Variants in MARCHF5 observed in about 807,000 individuals in gnomAD.
The protein encoded by MARCHF5 is E3 ubiquitin-protein ligase MARCHF5.
In MARCHF5, 5 loss-of-function variants were observed where a neutral mutation model predicts 36.5. The observed-to-expected ratio is 0.14, with a 90% CI of 0.07 to 0.29. MARCHF5 has a LOEUF of 0.29. Ranked by LOEUF, MARCHF5 falls within the 10% of genes least tolerant of loss-of-function variation. The pLI is 1.00. For synonymous variants in MARCHF5, 103 were observed against 109.9 expected, an observed-to-expected ratio of 0.94 and a Z score of 0.39; for missense variants, 179 against 336.3, an observed-to-expected ratio of 0.53 and a Z score of 3.66.
intron 2 of MARCHF5, among the ~76,000 whole-genome samples, chr10:92,324,394 C>T (rs879617429): frequency 4.5e-4 from 69 of 152,288 alleles, no homozygotes; most frequent in Non-Finnish European, 9.3e-4. Flanking sequence ...CGGAGTCTCA[C>T]TCTGTTGCCC....
chr10:92,314,170 C>T (rs1295606979), intron 2 of MARCHF5, among the ~76,000 whole-genome samples: 1 of 151,820 alleles, frequency 6.6e-6, no homozygotes, highest in Non-Finnish European at 1.5e-5. Context: ...TATGATTGCG[C>T]CACTACCCTC....
intron 2 of MARCHF5, among the ~76,000 whole-genome samples, 189 bp downstream of exon 2, chr10:92,311,526 C>T (rs962527897): frequency 6.6e-6 from 1 of 151,518 alleles, no homozygotes; most frequent in Non-Finnish European, 1.5e-5. Flanking sequence ...TTAATATATC[C>T]CCAAATTTAT....
intron 2 of MARCHF5, among the ~76,000 whole-genome samples, chr10:92,328,922 G>A (rs540714792): frequency 6.7e-6 from 1 of 150,232 alleles, no homozygotes; most frequent in Non-Finnish European, 1.5e-5. Flanking sequence ...TTTATGATAA[G>A]ACCGATCAGT....
At chr10:92,323,924 A>G (rs978545789) in intron 2 of MARCHF5, among the ~76,000 whole-genome samples, 1 of 152,218 alleles carries the variant, frequency 6.6e-6, no homozygotes, top group Non-Finnish European at 1.5e-5. Context: ...ACCAAGGAGC[A>G]TGATTGCTGG....
At position 92,326,581 on chromosome 10, in the gene MARCHF5, G is replaced by A. The variant is rs546972863; in HGVS notation, c.239-14092G>A. Among the ~76,000 whole-genome samples, 4 of 152,292 alleles carry A rather than the reference G, an allele frequency of 2.6e-5. No individual in the cohort carries two copies. The South Asian group carries it at 6.2e-4, about 24-fold the overall frequency. On this transcript the variant is annotated intron_variant, in intron 2 of 5. Coordinates refer to ENST00000358935, the MANE Select transcript of MARCHF5 (RefSeq NM_017824.5). ...ACTGTTAATAAATTACACAAATGAT[G>A]TGTAAGTAACAAAAATTTTATGAGT...
rs1218185621 is a variant in MARCHF5 at position 92,319,059 on chromosome 10, A to G, written c.238+7722A>G. 3.3e-5 allele frequency among the ~76,000 whole-genome samples: 5 copies of G among 152,290 alleles called. No individual in the cohort carries two copies. In the East Asian group the frequency reaches 7.7e-4, roughly 24 times the overall value. On this transcript the variant is annotated intron_variant, in intron 2 of 5. Transcript: ENST00000358935. The stretch of plus-strand genomic sequence containing the variant: ...TACACTGTACTTAATGTTTAGGTCA[A>G]TAACAACCACAGTGGTGGTCCCCTA...
intron 1 of MARCHF5, among the ~76,000 whole-genome samples, chr10:92,309,365 T>G (rs1564944810): frequency 6.6e-6 from 1 of 152,194 alleles, no homozygotes; most frequent in Non-Finnish European, 1.5e-5. Flanking sequence ...TAATGTAGAC[T>G]ATTTCAGTTG....
At chr10:92,307,944 C>CTT (rs767555499) in intron 1 of MARCHF5, among the ~76,000 whole-genome samples, 12 of 142,094 alleles carry the variant, frequency 8.4e-5, no homozygotes, top group Admixed American at 2.8e-4. Context: ...TGCTTCCCCC[C>CTT]TTTTTTTTTT....
At chr10:92,338,414 T>C (rs767927515) in intron 2 of MARCHF5, among the ~76,000 whole-genome samples, 33 of 152,306 alleles carry the variant, frequency 2.2e-4, no homozygotes, top group Non-Finnish European at 4.0e-4. Context: ...AATAATGCCT[T>C]TGGCACAGCA....
chr10:92,303,871 T>C (rs557682756), intron 1 of MARCHF5, among the ~76,000 whole-genome samples: 9 of 152,330 alleles, frequency 5.9e-5, no homozygotes, highest in Non-Finnish European at 8.8e-5. Flanking sequence ...TCTCTTCTGT[T>C]GTCTTCATAT....
At chr10:92,346,753 G>A (rs1346343642) in intron 3 of MARCHF5, among the ~76,000 whole-genome samples, 1 of 151,930 alleles carries the variant, frequency 6.6e-6, no homozygotes, top group African/African-American at 2.4e-5. Context: ...AAAGTGCTAG[G>A]ATTACAATTG....
At chr10:92,317,778 T>G (rs565220550) in intron 2 of MARCHF5, among the ~76,000 whole-genome samples, 35 of 151,124 alleles carry the variant, frequency 2.3e-4, no homozygotes, top group African/African-American at 7.1e-4. Flanking sequence ...TGAGGCACAG[T>G]CTCGCTCTGT....
At chr10:92,326,691 C>G (rs534913150) in intron 2 of MARCHF5, among the ~76,000 whole-genome samples, 2 of 151,942 alleles carry the variant, frequency 1.3e-5, no homozygotes, top group South Asian at 4.2e-4. Context: ...TGCCTGTTCT[C>G]TTTTCTTTCT....
intron 2 of MARCHF5, among the ~76,000 whole-genome samples, chr10:92,337,828 A>C (rs1296606860): frequency 6.6e-6 from 1 of 151,958 alleles, no homozygotes; most frequent in African/African-American, 2.4e-5. Context: ...TGATGAGTAC[A>C]TGTGCTGGAG....
At position 92,351,313 on chromosome 10, in the gene MARCHF5, C is replaced by G; in HGVS notation, c.*106C>G. 1 of 670,024 alleles carries G rather than the reference C, an allele frequency of 1.5e-6. No homozygotes were observed. The highest frequency in any genetic ancestry group is 2.8e-5 in the East Asian group (1 of 36,152). 41.5% of individuals were successfully genotyped at this position (670,024 alleles called of 1,614,324 possible). ...TGGAGACTTGTGATAAGCTGCTGCTCCTATATTTTTTAAGAAATATAATAA... is the reference window on the plus strand; with the variant it reads ...TGGAGACTTGTGATAAGCTGCTGCTGCTATATTTTTTAAGAAATATAATAA... On this transcript the variant is annotated 3_prime_UTR_variant, in exon 6 of 6. Coordinates refer to ENST00000358935, the MANE Select transcript of MARCHF5 (RefSeq NM_017824.5).
At chr10:92,328,822 T>TATATATATATA (rs1491512830) in intron 2 of MARCHF5, among the ~76,000 whole-genome samples, 1 of 52,768 alleles carries the variant, frequency 1.9e-5, no homozygotes, top group African/African-American at 5.9e-5. Flanking sequence ...TATATATATA[T>TATATATATATA]TTTTTTTTTT....
At chr10:92,319,723 C>T (rs1305628307) in intron 2 of MARCHF5, among the ~76,000 whole-genome samples, 3 of 150,590 alleles carry the variant, frequency 2.0e-5, no homozygotes, top group Non-Finnish European at 4.4e-5. Context: ...GGCGCAATCT[C>T]GGCTCACTGC....
Position 92,291,320 on chromosome 10 carries a change from C to G in MARCHF5, c.-175C>G. The G allele has an allele frequency of 1.6e-6, 1 of 616,794 alleles. No homozygotes were observed. Among genetic ancestry groups the G allele is most frequent in the Non-Finnish European group, 2.8e-6 (1 of 354,172 alleles). 38.2% of individuals were successfully genotyped at this position (616,794 alleles called of 1,614,324 possible). A position where few individuals can be genotyped will look rare whatever the true frequency, so the allele number is the denominator to read the frequency against. The stretch of plus-strand genomic sequence containing the variant: ...CTCTCCGCCGCCTCCGCCGGACTCC[C>G]GCAGGCCCTGCACCGCCGCCGCCAG... On this transcript the variant is annotated 5_prime_UTR_variant, in exon 1 of 6. Coordinates refer to ENST00000358935, the MANE Select transcript of MARCHF5 (RefSeq NM_017824.5).
intron 1 of MARCHF5, among the ~76,000 whole-genome samples, chr10:92,302,431 CTTTTTTCTTT>C (rs1356777519): frequency 6.9e-5 from 9 of 131,260 alleles, no homozygotes; most frequent in African/African-American, 2.3e-4. Context: ...ACGTAGTTTT[CTTTTTTCTTT>C]TTTTTTCTTT....
Sources: allele counts gnomAD v4.1 joint callset (sites outside exome capture counted in the v4.1 genomes callset), GRCh38; gene constraint gnomAD v4.1.1; transcripts MANE v1.5; gene names NCBI Gene and HGNC (gene_info 2026-07-23, HGNC 2026-07-21).